The following ABI2 variants were observed in gnomAD, a reference collection of about 807,000 sequenced individuals.
ABI2 encodes the protein abl interactor 2.
Under a neutral mutation model 59.2 loss-of-function variants are expected in ABI2, and 25 were observed. The observed-to-expected ratio is 0.42, with a 90% CI of 0.31 to 0.59. ABI2 has a LOEUF of 0.59. ABI2 is among the 20% of genes least tolerant of loss of function. ABI2 has a pLI of 0.14. For missense variants in ABI2, 545 were observed against 681.8 expected (o/e 0.80, Z 2.23); for synonymous variants, 213 against 235.5 (o/e 0.90, Z 0.87).
Position 203,411,365 on chromosome 2 carries a change from G to A in ABI2, c.1273G>A (p.Glu425Lys). The A allele has an allele frequency of 6.2e-7, 1 of 1,611,560 alleles. No homozygotes were observed. The highest frequency in any genetic ancestry group is 8.5e-7 in the Non-Finnish European group (1 of 1,177,898). Residue 425 changes from glutamate to lysine, a missense_variant, in exon 10 of 12, where the codon GAA becomes AAA. Physicochemically the swap from Glu to Lys is moderately conservative, Grantham distance 56 (BLOSUM62 1). Coordinates refer to ENST00000261018, the MANE Select transcript of ABI2 (RefSeq NM_001375670.1). Reference sequence around the variant, plus strand: ...AATGGGATTTGTGGCCAGAGTCCAAGAAAATAGTAAGTTTATGTCTTCTTT... The same window carrying A: ...AATGGGATTTGTGGCCAGAGTCCAAAAAAATAGTAAGTTTATGTCTTCTTT... ...PLMGFVARVQ[E>K]NISDTPPPPP...
intron 1 of ABI2, among the ~76,000 whole-genome samples, chr2:203,344,066 A>T (rs1237384182): frequency 6.6e-6 from 1 of 152,202 alleles, no homozygotes; most frequent in Non-Finnish European, 1.5e-5. Context: ...TCAGGGTTGG[A>T]GGCTGCAGTG....
chr2:203,361,368 G>A (rs546122800), intron 1 of ABI2, among the ~76,000 whole-genome samples: 2 of 152,292 alleles, frequency 1.3e-5, no homozygotes, highest in Non-Finnish European at 2.9e-5. Context: ...GTGTGGTAGT[G>A]TGTGCCTCTA....
At chr2:203,384,844 CTTTTTTTT>C (rs1396981946) in intron 4 of ABI2, among the ~76,000 whole-genome samples, 1 of 120,698 alleles carries the variant, frequency 8.3e-6, no homozygotes, top group Non-Finnish European at 1.8e-5. Context: ...TTCTTTTTTT[CTTTTTTTT>C]GAGACCGAGT....
chr2:203,414,382 G>T (rs966794212), intron 10 of ABI2, among the ~76,000 whole-genome samples: 1 of 152,090 alleles, frequency 6.6e-6, no homozygotes, highest in Admixed American at 6.5e-5. Context: ...GATTACAGGC[G>T]TGAGCCTCCC....
intron 1 of ABI2, among the ~76,000 whole-genome samples, chr2:203,345,033 C>A (rs561425405): frequency 2.0e-5 from 3 of 152,248 alleles, no homozygotes; most frequent in Non-Finnish European, 2.9e-5. Context: ...AGCTGGCTGC[C>A]GGAGCCCGCA....
At chr2:203,347,022 T>C (rs560482100) in intron 1 of ABI2, among the ~76,000 whole-genome samples, 1 of 152,352 alleles carries the variant, frequency 6.6e-6, no homozygotes, top group African/African-American at 2.4e-5. Flanking sequence ...TAGGAAGGAC[T>C]TTGTGTTCTT....
chr2:203,354,032 G>T (rs920536716), intron 1 of ABI2, among the ~76,000 whole-genome samples: 2 of 152,096 alleles, frequency 1.3e-5, no homozygotes, highest in Non-Finnish European at 2.9e-5. Context: ...AGAGTGGATT[G>T]TGATTAGATT....
At chr2:203,374,301 A>G (rs2153110556) in intron 2 of ABI2, among the ~76,000 whole-genome samples, 1 of 152,154 alleles carries the variant, frequency 6.6e-6, no homozygotes, top group South Asian at 2.1e-4. Flanking sequence ...GGAGTTTGAG[A>G]CCAGCCTGGC....
intron 2 of ABI2, among the ~76,000 whole-genome samples, chr2:203,374,092 G>A (rs62183950): frequency 1.5e-3 from 222 of 152,266 alleles, no homozygotes; most frequent in Admixed American, 3.4e-3. Context: ...CCAGGTGGTC[G>A]AGGCTGCAGT....
intron 1 of ABI2, among the ~76,000 whole-genome samples, chr2:203,345,738 G>T (rs1292001324): frequency 1.3e-5 from 2 of 151,762 alleles, no homozygotes; most frequent in Non-Finnish European, 2.9e-5. Context: ...TAGAGACGGG[G>T]TTTCACCACA....
intron 1 of ABI2, among the ~76,000 whole-genome samples, chr2:203,344,427 G>A (rs558678795): frequency 1.9e-3 from 283 of 151,916 alleles, no homozygotes; most frequent in African/African-American, 6.6e-3. Context: ...GTGCAGGGGC[G>A]TGATCATGTC....
At chr2:203,331,348 C>CTTTTTTTTTTT (rs201209202) in intron 1 of ABI2, among the ~76,000 whole-genome samples, 82 of 85,302 alleles carry the variant, frequency 9.6e-4, no homozygotes, top group South Asian at 1.4e-3. Context: ...TCAATTTAGC[C>CTTTTTTTTTTT]TTTTTTTTTT....
chr2:203,381,438 T>A (rs1031954880), intron 3 of ABI2, among the ~76,000 whole-genome samples: 3 of 152,144 alleles, frequency 2.0e-5, no homozygotes, highest in Non-Finnish European at 4.4e-5. Context: ...CTGAGCTAAA[T>A]TTTTTGTTTG....
chr2:203,408,695 G>T (rs995134537), intron 9 of ABI2, among the ~76,000 whole-genome samples: 1 of 151,922 alleles, frequency 6.6e-6, no homozygotes, highest in East Asian at 1.9e-4. Flanking sequence ...TACACGGAAG[G>T]TTAGGTTACA....
Position 203,367,043 on chromosome 2 carries a change from A to G in ABI2, c.284A>G (p.Gln95Arg). 9 of 1,611,524 alleles carry G rather than the reference A, an allele frequency of 5.6e-6. No individual in the cohort carries two copies. The highest frequency in any genetic ancestry group is 7.6e-6 in the Non-Finnish European group (9 of 1,178,516). Residue 95 changes from glutamine (Q) to arginine (R), a missense_variant and splice_region_variant, in exon 2 of 12, where the codon CAA (glutamine) becomes CGA (arginine). Physicochemically the swap from Gln to Arg is conservative, Grantham distance 43. Coordinates refer to ENST00000261018, the MANE Select transcript of ABI2 (RefSeq NM_001375670.1). ...RMESSINHIS[Q>R]TVDIHKEKVA... The stretch of plus-strand genomic sequence containing the variant: ...GAATCTTCAATCAATCATATTTCAC[A>G]AGTGAGACCACAATATTTTCCTATT...
chr2:203,377,306 C>T lies in ABI2; in HGVS notation c.286-2902C>T, dbSNP rs148377400. ...TCCAGCCTCTGTGACAGAGTGAGAACCTGTTGCAAAAAAATGTATATTTAT... is the reference window on the plus strand; with the variant it reads ...TCCAGCCTCTGTGACAGAGTGAGAATCTGTTGCAAAAAAATGTATATTTAT... On this transcript the variant is annotated intron_variant, in intron 2 of 11. Coordinates refer to ENST00000261018, the MANE Select transcript of ABI2 (RefSeq NM_001375670.1). 1.4e-4 allele frequency among the ~76,000 whole-genome samples: 21 copies of T among 151,966 alleles called. 1 individual carries two copies. Among genetic ancestry groups the T allele is most frequent in the African/African-American group, 5.1e-4 (21 of 41,458 alleles).
chr2:203,360,988 G>A (rs1197128769), intron 1 of ABI2, among the ~76,000 whole-genome samples: 1 of 152,202 alleles, frequency 6.6e-6, no homozygotes, highest in Non-Finnish European at 1.5e-5. Flanking sequence ...ATACATTACT[G>A]AGGAGAAGCG....
intron 1 of ABI2, among the ~76,000 whole-genome samples, chr2:203,358,515 A>G (rs2092771676): frequency 6.6e-6 from 1 of 152,156 alleles, no homozygotes; most frequent in South Asian, 2.1e-4. Flanking sequence ...AAACCATGTG[A>G]AGGAACAGGA....
At chr2:203,341,635 G>A (rs1259867613) in intron 1 of ABI2, among the ~76,000 whole-genome samples, 1 of 152,010 alleles carries the variant, frequency 6.6e-6, no homozygotes, top group Non-Finnish European at 1.5e-5. Flanking sequence ...GCTTGAACCC[G>A]GGTGGCAGAG....
Sources: allele counts gnomAD v4.1 joint callset (sites outside exome capture counted in the v4.1 genomes callset), GRCh38; gene constraint gnomAD v4.1.1; transcripts MANE v1.5; gene names NCBI Gene and HGNC (gene_info 2026-07-23, HGNC 2026-07-21).